Variants in TNR observed in about 807,000 individuals in gnomAD.
The protein encoded by TNR is tenascin-R.
TNR carries 45 observed loss-of-function variants against 150.4 expected under a neutral mutation model. The ratio of observed to expected loss-of-function variants is 0.30; its 90% CI spans 0.24 to 0.38. The LOEUF (loss-of-function observed/expected upper bound fraction) is 0.38. Among genes scored for constraint, TNR ranks in the 10% least tolerant of loss-of-function variants. The pLI, the probability that TNR is intolerant of heterozygous loss-of-function variation, is 1.00. For synonymous variants in TNR, 687 were observed against 678.4 expected, an observed-to-expected ratio of 1.01 and a Z score of -0.20; for missense variants, 1,544 against 1,759.1, an observed-to-expected ratio of 0.88 and a Z score of 2.19.
At chr1:175,331,077 C>CTTTCTTTCTTTCTTTCCTT (rs61033216) in intron 20 of TNR, among the ~76,000 whole-genome samples, 6 of 94,242 alleles carry the variant, frequency 6.4e-5, no homozygotes, top group Non-Finnish European at 1.1e-4. Flanking sequence ...TTCTTTCTTT[C>CTTTCTTTCTTTCTTTCCTT]CTTCTTTCTT....
intron 2 of TNR, among the ~76,000 whole-genome samples, chr1:175,485,262 G>A (rs1200736346): frequency 1.3e-5 from 2 of 152,178 alleles, no homozygotes; most frequent in Admixed American, 6.5e-5. Flanking sequence ...AGGCATAAGG[G>A]AGCAGGCACA....
intron 2 of TNR, among the ~76,000 whole-genome samples, chr1:175,503,163 A>G (rs1658809701): frequency 6.6e-6 from 1 of 152,194 alleles, no homozygotes; most frequent in Admixed American, 6.5e-5. Context: ...CAGAGGACCC[A>G]TGGCTGAGGG....
chr1:175,527,664 T>C (rs1571563886), intron 2 of TNR, among the ~76,000 whole-genome samples: 1 of 152,216 alleles, frequency 6.6e-6, no homozygotes, highest in Non-Finnish European at 1.5e-5. Context: ...CTGACAACTC[T>C]ATGAATCCTA....
chr1:175,480,408 G>A (rs1571500086), intron 2 of TNR, among the ~76,000 whole-genome samples: 1 of 136,276 alleles, frequency 7.3e-6, no homozygotes. Context: ...AAAGAAAAAA[G>A]AAAGAAAGAA....
At chr1:175,689,520 C>T (rs1666295984) in intron 1 of TNR, among the ~76,000 whole-genome samples, 1 of 152,100 alleles carries the variant, frequency 6.6e-6, no homozygotes. Flanking sequence ...GGCCAGGCTG[C>T]CAGCTCCCTT....
At chr1:175,677,666 G>A (rs1665903974) in intron 1 of TNR, among the ~76,000 whole-genome samples, 1 of 152,198 alleles carries the variant, frequency 6.6e-6, no homozygotes. Context: ...GGTACAAGGA[G>A]AGGCAGAGTT....
intron 14 of TNR, among the ~76,000 whole-genome samples, 173 bp downstream of exon 14, chr1:175,362,490 T>A (rs1325655351): frequency 6.6e-6 from 1 of 152,102 alleles, no homozygotes; most frequent in Admixed American, 6.5e-5. Context: ...ACGTTTAGTA[T>A]TAGGGAGGAA....
intron 8 of TNR, among the ~76,000 whole-genome samples, chr1:175,385,803 G>A (rs1652888294): frequency 6.6e-6 from 1 of 152,156 alleles, no homozygotes; most frequent in Admixed American, 6.6e-5. Flanking sequence ...GCACAGATCT[G>A]GTTGCCAGTA....
chr1:175,584,583 T>A (rs1662492893), intron 1 of TNR, among the ~76,000 whole-genome samples: 1 of 152,162 alleles, frequency 6.6e-6, no homozygotes. Context: ...ATGAAAAGCA[T>A]CAACTACATA....
chr1:175,696,811 G>A (rs934214635), intron 1 of TNR, among the ~76,000 whole-genome samples: 1 of 151,750 alleles, frequency 6.6e-6, no homozygotes, highest in Non-Finnish European at 1.5e-5. Context: ...CCCAGGAGGT[G>A]GAGGTTACAG....
chr1:175,598,443 A>G (rs1663092791), intron 1 of TNR, among the ~76,000 whole-genome samples: 1 of 152,212 alleles, frequency 6.6e-6, no homozygotes, highest in South Asian at 2.1e-4. Context: ...GGACACAAAC[A>G]AAAGGAATAT....
intron 2 of TNR, among the ~76,000 whole-genome samples, chr1:175,426,817 TA>T (rs1436377764): frequency 2.4e-5 from 3 of 123,700 alleles, no homozygotes; most frequent in Non-Finnish European, 4.8e-5. Context: ...ATATAAAATA[TA>T]AATATATATA....
At chr1:175,502,673 A>G (rs1658786242) in intron 2 of TNR, among the ~76,000 whole-genome samples, 1 of 152,210 alleles carries the variant, frequency 6.6e-6, no homozygotes, top group Non-Finnish European at 1.5e-5. Context: ...CGTTTCCAGG[A>G]AAACCAGTCT....
rs527676915 is a variant in TNR at position 175,650,184 on chromosome 1, C to A, written c.-165+93042G>T. ...GTCCTGGGAGGCCAGGAGTTCAAGA[C>A]CAGCCTGGCCAACATGGTGAAACTC... On this transcript the variant is annotated intron_variant, in intron 1 of 22. Transcript: ENST00000367674. Among the ~76,000 whole-genome samples, 172 of 152,116 alleles carry A rather than the reference C, an allele frequency of 1.1e-3. 4 individuals carry two copies. Among genetic ancestry groups the A allele is most frequent in the Admixed American group, 9.8e-3 (149 of 15,274 alleles).
At chr1:175,393,336 C>T (rs1426013422) in intron 6 of TNR, among the ~76,000 whole-genome samples, 1 of 152,178 alleles carries the variant, frequency 6.6e-6, no homozygotes, top group East Asian at 1.9e-4. Context: ...GGATTGATGC[C>T]ATGCAAGCTG....
intron 2 of TNR, among the ~76,000 whole-genome samples, chr1:175,486,715 G>T (rs1658031496): frequency 6.6e-6 from 1 of 152,180 alleles, no homozygotes; most frequent in African/African-American, 2.4e-5. Flanking sequence ...TTCCACAATG[G>T]TTGAACTAAT....
At chr1:175,517,929 C>T (rs1450792883) in intron 2 of TNR, among the ~76,000 whole-genome samples, 1 of 152,144 alleles carries the variant, frequency 6.6e-6, no homozygotes, top group African/African-American at 2.4e-5. Flanking sequence ...TAGTGCATAC[C>T]CATTCCCTAG....
intron 1 of TNR, among the ~76,000 whole-genome samples, chr1:175,564,872 A>G (rs895555005): frequency 2.0e-5 from 3 of 152,058 alleles, no homozygotes; most frequent in Non-Finnish European, 4.4e-5. Flanking sequence ...TGCCTGCCCT[A>G]TGTCTGGCTT....
intron 9 of TNR, 59 bp downstream of exon 9, chr1:175,379,493 C>T (rs1652567310): frequency 2.7e-6 from 4 of 1,499,240 alleles, no homozygotes; most frequent in South Asian, 2.5e-5. Flanking sequence ...GTTGGGGAGA[C>T]AGCTGTGAGG....
Sources: gnomAD v4.1 joint callset for allele counts (sites outside exome capture counted in the v4.1 genomes callset) on GRCh38, gnomAD v4.1.1 for gene constraint, MANE v1.5 for transcripts, NCBI Gene and HGNC (gene_info 2026-07-23, HGNC 2026-07-21) for gene names.